The following PDE11A variants were observed in gnomAD, a reference collection of about 807,000 sequenced individuals.
PDE11A encodes the protein phosphodiesterase 11A.
Under a neutral mutation model 100.5 loss-of-function variants are expected in PDE11A, and 100 were observed. The observed-to-expected ratio is 1.00, with a 90% confidence interval of 0.85 to 1.18. PDE11A has a LOEUF of 1.18. PDE11A is among the 50% of genes most tolerant of loss of function. PDE11A has a pLI of 0.00. For synonymous variants in PDE11A, 381 were observed against 420.8 expected, an observed-to-expected ratio of 0.91 and a Z score of 1.16; for missense variants, 1,141 against 1,152.6, an observed-to-expected ratio of 0.99 and a Z score of 0.15.
chr2:178,050,219 G>A (rs1367895834), intron 1 of PDE11A, among the ~76,000 whole-genome samples: 4 of 152,306 alleles, frequency 2.6e-5, no homozygotes, highest in East Asian at 1.9e-4. Context: ...AGCCTCTGCT[G>A]GTGATACCCA....
At chr2:177,959,701 T>C in intron 2 of PDE11A, among the ~76,000 whole-genome samples, 1 of 152,028 alleles carries the variant, frequency 6.6e-6, no homozygotes, top group East Asian at 1.9e-4. Context: ...TTGGAGAAAA[T>C]AGGTTGCAAA....
At chr2:177,737,061 G>A (rs890634469) in intron 10 of PDE11A, among the ~76,000 whole-genome samples, 10 of 146,978 alleles carry the variant, frequency 6.8e-5, no homozygotes, top group African/African-American at 2.5e-4. Context: ...ACAAAATGGA[G>A]AAACCCTGTC....
Position 177,623,783 on chromosome 2 carries a change from G to A in PDE11A, c.*5624C>T, listed in dbSNP as rs903668132. On this transcript the variant is annotated 3_prime_UTR_variant, in exon 20 of 20. Transcript: ENST00000286063. ...ACTAGCGTATACAAAAATGACATTGGTGTAGTTATGTTATACAGATAAACA... is the reference window on the plus strand; with the variant it reads ...ACTAGCGTATACAAAAATGACATTGATGTAGTTATGTTATACAGATAAACA... 2 of 152,178 alleles carry A rather than the reference G, an allele frequency of 1.3e-5. No individual in the cohort carries two copies. The highest frequency in any genetic ancestry group is 4.8e-5 in the African/African-American group (2 of 41,440). The allele number at this position is 152,178 out of a possible 1,614,324, so 9.4% of individuals were successfully genotyped here. A position where few individuals can be genotyped will look rare whatever the true frequency, so the allele number is the denominator to read the frequency against.
chr2:177,936,121 T>G (rs898801704), intron 2 of PDE11A, among the ~76,000 whole-genome samples: 11 of 151,958 alleles, frequency 7.2e-5, no homozygotes, highest in Non-Finnish European at 1.2e-4. Flanking sequence ...TTTGAGAGAG[T>G]GAGATGTTGA....
chr2:177,911,679 T>C lies in PDE11A; in HGVS notation c.1072-6492A>G, dbSNP rs575200242. On this transcript the variant is annotated intron_variant, in intron 2 of 19. Transcript: ENST00000286063. ...CAGGTGGATCACTTAAGGTCAGGAG[T>C]TCCAGACTAGCCTGACCAACATGGT... 5.3e-5 allele frequency among the ~76,000 whole-genome samples: 8 copies of C among 152,078 alleles called. No individual in the cohort carries two copies. The South Asian group carries it at 1.7e-3, about 32-fold the overall frequency.
chr2:177,907,818 G>T (rs2084813929), intron 2 of PDE11A, among the ~76,000 whole-genome samples: 1 of 152,200 alleles, frequency 6.6e-6, no homozygotes, highest in African/African-American at 2.4e-5. Flanking sequence ...TACATTTCAG[G>T]TTCCTCTGCT....
intron 5 of PDE11A, among the ~76,000 whole-genome samples, chr2:177,867,239 A>G (rs1437456921): frequency 2.0e-5 from 3 of 152,230 alleles, no homozygotes; most frequent in Non-Finnish European, 2.9e-5. Context: ...AACATTCTTT[A>G]AAGTAGGAAC....
rs540375741 is a variant in PDE11A, at chr2:177,888,649, C to T, written c.1302+9409G>A. Reference sequence around the variant, plus strand: ...GAGAGAGGCAATCCACAAAACCAAGCCATGCATGTCAGGACTTTAAGGCCC... The same window carrying T: ...GAGAGAGGCAATCCACAAAACCAAGTCATGCATGTCAGGACTTTAAGGCCC... On this transcript the variant is annotated intron_variant, in intron 4 of 19. Coordinates refer to ENST00000286063, the MANE Select transcript of PDE11A (RefSeq NM_016953.4). The T allele has an allele frequency of 9.7e-5, 91 of 936,854 alleles. No individual in the cohort carries two copies. The South Asian group carries it at 3.9e-3, about 40-fold the overall frequency. 58.0% of individuals were successfully genotyped at this position (936,854 alleles called of 1,614,324 possible).
chr2:177,725,735 T>C (rs900657864), intron 12 of PDE11A, among the ~76,000 whole-genome samples: 7 of 152,144 alleles, frequency 4.6e-5, no homozygotes, highest in African/African-American at 1.7e-4. Context: ...ATAATGGAAA[T>C]ACCCACTGCA....
At chr2:178,061,451 C>T (rs2086968523) in intron 1 of PDE11A, among the ~76,000 whole-genome samples, 1 of 152,110 alleles carries the variant, frequency 6.6e-6, no homozygotes, top group South Asian at 2.1e-4. Flanking sequence ...ACATAATGAC[C>T]TCATCAGTGT....
intron 10 of PDE11A, among the ~76,000 whole-genome samples, chr2:177,746,538 C>A (rs1313738873): frequency 5.9e-5 from 9 of 152,146 alleles, no homozygotes; most frequent in Non-Finnish European, 1.3e-4. Context: ...GTGGAAGGAA[C>A]AAGAATTCTA....
At chr2:177,993,061 A>C (rs2086023384) in intron 2 of PDE11A, among the ~76,000 whole-genome samples, 1 of 152,176 alleles carries the variant, frequency 6.6e-6, no homozygotes, top group Admixed American at 6.5e-5. Flanking sequence ...TGTTGTTTCT[A>C]GGGGCACTTC....
intron 9 of PDE11A, among the ~76,000 whole-genome samples, chr2:177,785,498 C>T (rs1205597974): frequency 5.3e-5 from 8 of 152,176 alleles, no homozygotes; most frequent in South Asian, 2.1e-4. Flanking sequence ...TCTGAGGTAC[C>T]GGGTTCATCT....
intron 19 of PDE11A, among the ~76,000 whole-genome samples, chr2:177,630,842 C>G (rs533135870): frequency 1.4e-4 from 22 of 151,868 alleles, no homozygotes; most frequent in Middle Eastern, 3.4e-3. Flanking sequence ...GATCTAGGAG[C>G]CTTTTAATTT....
At chr2:178,004,364 CAGAAAGGA>C (rs2086180176) in intron 2 of PDE11A, among the ~76,000 whole-genome samples, 1 of 152,104 alleles carries the variant, frequency 6.6e-6, no homozygotes, top group South Asian at 2.1e-4. Flanking sequence ...TACTTTTCAT[CAGAAAGGA>C]ATTTAATTTT....
intron 16 of PDE11A, chr2:177,675,737 G>C: frequency 1.5e-6 from 1 of 679,566 alleles, no homozygotes; most frequent in South Asian, 1.5e-5. Context: ...CACATCCTCT[G>C]GTGGCCCTTT....
chr2:177,746,129 A>C (rs932421988), intron 10 of PDE11A, among the ~76,000 whole-genome samples: 1 of 152,228 alleles, frequency 6.6e-6, no homozygotes, highest in Non-Finnish European at 1.5e-5. Flanking sequence ...GACAATTTGC[A>C]TATCATCATA....
At chr2:177,949,930 A>T (rs756273059) in intron 2 of PDE11A, among the ~76,000 whole-genome samples, 3 of 152,202 alleles carry the variant, frequency 2.0e-5, no homozygotes, top group Non-Finnish European at 4.4e-5. Context: ...CCTTTATTTT[A>T]TATTCCTCTT....
intron 2 of PDE11A, among the ~76,000 whole-genome samples, chr2:178,086,505 G>A (rs2087357412): frequency 6.6e-6 from 1 of 152,010 alleles, no homozygotes; most frequent in Non-Finnish European, 1.5e-5. Flanking sequence ...TGGTAGAGAT[G>A]GGCATACATG....
Sources: allele counts gnomAD v4.1 joint callset (sites outside exome capture counted in the v4.1 genomes callset), GRCh38; gene constraint gnomAD v4.1.1; transcripts MANE v1.5; gene names NCBI Gene and HGNC (gene_info 2026-07-23, HGNC 2026-07-21).